Variants in DHX57 observed in about 807,000 individuals in gnomAD.
The protein encoded by DHX57 is putative ATP-dependent RNA helicase DHX57.
A neutral mutation model predicts 156.2 loss-of-function variants in DHX57; 105 were observed. The observed-to-expected ratio is 0.67, with a 90% CI of 0.57 to 0.79. DHX57 has a LOEUF of 0.79. DHX57 is among the 30% of genes least tolerant of loss of function. The pLI is 0.00. For synonymous variants in DHX57, 704 were observed against 595.6 expected (o/e 1.18, Z -2.65); for missense variants, 1,847 against 1,661.9 (o/e 1.11, Z -1.94).
intron 22 of DHX57, 161 bp from the exon 23 acceptor site, chr2:38,803,076 C>T: frequency 1.5e-6 from 1 of 653,510 alleles, no homozygotes; most frequent in Non-Finnish European, 2.6e-6. Context: ...TAACTATTGA[C>T]TTGCCATCTC....
chr2:38,861,934 TAC>T (rs1673247291), intron 4 of DHX57, 97 bp from the exon 5 acceptor site: 2 of 1,336,426 alleles, frequency 1.5e-6, no homozygotes, highest in East Asian at 4.8e-5. Flanking sequence ...AAGTTATGAC[TAC>T]ACATAGGCAG....
In DHX57 at chr2:38,868,292, G is replaced by A. The variant is rs146248368; in HGVS notation, c.114C>T (p.Gly38=). The A allele has an allele frequency of 7.1e-5, 89 of 1,250,310 alleles. 1 individual carries two copies. Among genetic ancestry groups the A allele is most frequent in the Middle Eastern group, 6.4e-4 (3 of 4,658 alleles). The allele number at this position is 1,250,310 out of a possible 1,614,324, so 77.5% of individuals were successfully genotyped here. ...SHASKSHGSG[G]GGGGGGGGGG... Reference sequence around the variant, plus strand: ...CTCCACCACCACCACCACCGCCACCGCCACCACTCCCATGAGATTTACTGG... The same window carrying A: ...CTCCACCACCACCACCACCGCCACCACCACCACTCCCATGAGATTTACTGG... Residue 38 remains glycine, a synonymous_variant, in exon 2 of 24, where the codon GGC becomes GGT. Transcript: ENST00000457308.
intron 5 of DHX57, among the ~76,000 whole-genome samples, chr2:38,860,758 A>T (rs1673150273): frequency 2.6e-5 from 4 of 152,226 alleles, no homozygotes. Flanking sequence ...ATATAGTTAA[A>T]CATACGTCAC....
At chr2:38,844,278 T>A (rs1028233303) in intron 11 of DHX57, among the ~76,000 whole-genome samples, 3 of 152,214 alleles carry the variant, frequency 2.0e-5, no homozygotes, top group African/African-American at 7.2e-5. Context: ...CACACTATAC[T>A]GTAAGACAGA....
rs138288600 is a variant in DHX57, at chr2:38,802,771, C to G, written c.3961G>C (p.Glu1321Gln). ...GQVNVQLQRG[E>Q]FVVSLDDGWI... is the part of the protein sequence containing the mutation. ...CCATCATCCAGGGAGACAACGAACT[C>G]TCCTCTTTGAAGCTGCACATTCACT... Residue 1321 changes from glutamate (E) to glutamine (Q), a missense_variant, in exon 23 of 24, where the codon GAG becomes CAG. Transcript: ENST00000457308. 1.4e-5 allele frequency: 23 copies of G among 1,614,100 alleles called. No individual in the cohort carries two copies. The South Asian group carries it at 1.4e-4, about 10-fold the overall frequency.
At chr2:38,820,198 T>C (rs1670739895) in intron 17 of DHX57, among the ~76,000 whole-genome samples, 1 of 152,214 alleles carries the variant, frequency 6.6e-6, no homozygotes, top group Admixed American at 6.5e-5. Flanking sequence ...GTAAAATTCC[T>C]TCCTTTTTAG....
At chr2:38,818,292 C>A (rs559214062) in intron 19 of DHX57, among the ~76,000 whole-genome samples, 1 of 152,194 alleles carries the variant, frequency 6.6e-6, no homozygotes, top group African/African-American at 2.4e-5. Context: ...TTTGGGTGGC[C>A]AAGGTGGGCG....
intron 12 of DHX57, among the ~76,000 whole-genome samples, chr2:38,839,676 G>A (rs569060074): frequency 1.6e-4 from 24 of 151,150 alleles, no homozygotes; most frequent in Admixed American, 6.6e-4. Flanking sequence ...AGCTGAGATC[G>A]CGCTACTGCA....
chr2:38,798,641 A>G (rs1669507874), intron 23 of DHX57, among the ~76,000 whole-genome samples, 199 bp from the exon 24 acceptor site: 1 of 152,218 alleles, frequency 6.6e-6, no homozygotes, highest in Non-Finnish European at 1.5e-5. Flanking sequence ...CCTCTATCAC[A>G]TCTCATCTAA....
chr2:38,834,982 G>A (rs371617184), intron 13 of DHX57, among the ~76,000 whole-genome samples: 11 of 152,292 alleles, frequency 7.2e-5, no homozygotes, highest in South Asian at 2.1e-4. Flanking sequence ...TAAAGCAAAC[G>A]GAAGGGAAGG....
chr2:38,870,378 C>T (rs1461481081), intron 1 of DHX57, among the ~76,000 whole-genome samples: 1 of 152,158 alleles, frequency 6.6e-6, no homozygotes, highest in African/African-American at 2.4e-5. Flanking sequence ...TGGCCTCCAA[C>T]TATTAGAAAA....
intron 2 of DHX57, among the ~76,000 whole-genome samples, chr2:38,867,457 T>A (rs2124945274): frequency 6.6e-6 from 1 of 152,356 alleles, no homozygotes; most frequent in Middle Eastern, 3.4e-3. Flanking sequence ...CATCTGTTAC[T>A]GGTCACCACA....
Position 38,826,549 on chromosome 2 carries a change from T to C in DHX57, c.2780A>G (p.Tyr927Cys), listed in dbSNP as rs1351130116. 7 of 1,614,004 alleles carry C rather than the reference T, an allele frequency of 4.3e-6. No homozygotes were observed. Among genetic ancestry groups the C allele is most frequent in the Non-Finnish European group, 5.9e-6 (7 of 1,180,028 alleles). Reference protein sequence around the residue: ...ETSITIDDVVYVIDSGKMKEK... With the variant: ...ETSITIDDVVCVIDSGKMKEK... ...TTTCATTTTCCCAGAATCGATAACA[T>C]AGACAACATCATCGATGGTTATGGA... Residue 927 changes from tyrosine to cysteine, a missense_variant, in exon 15 of 24, where the codon TAT (tyrosine) becomes TGT (cysteine). Physicochemically the swap from Tyr to Cys is radical, Grantham distance 194. Coordinates refer to ENST00000457308, the MANE Select transcript of DHX57 (RefSeq NM_198963.3).
chr2:38,835,259 G>C (rs1671593331), intron 13 of DHX57, among the ~76,000 whole-genome samples: 1 of 152,198 alleles, frequency 6.6e-6, no homozygotes, highest in Non-Finnish European at 1.5e-5. Flanking sequence ...GTGAGTACCA[G>C]GATTTAAGGC....
Position 38,835,195 on chromosome 2 carries a change from G to A in DHX57, c.2542+2636C>T, listed in dbSNP as rs1046323176. On this transcript the variant is annotated intron_variant, in intron 13 of 23. Coordinates refer to ENST00000457308, the MANE Select transcript of DHX57 (RefSeq NM_198963.3). ...AAGGTTCCAAATAACTGATGAAAGC[G>A]CCCTCTTCTGGAAAAAAAATGCCAC... is the stretch of plus-strand genomic sequence containing the variant. Among the ~76,000 whole-genome samples the A allele has an allele frequency of 1.4e-4, 22 of 152,056 alleles. 1 individual carries two copies. Among genetic ancestry groups the A allele is most frequent in the Admixed American group, 6.6e-5 (1 of 15,264 alleles).
chr2:38,861,580 T>A lies in DHX57; in HGVS notation c.830A>T (p.Glu277Val). The change falls in exon 5 of 24, where the codon GAA becomes GTA. Residue 277 changes from glutamate to valine, a missense_variant. Coordinates refer to ENST00000457308, the MANE Select transcript of DHX57 (RefSeq NM_198963.3). ...IQNRVWTIGL[E>V]LEYLTSRFRK... is the part of the protein sequence containing the mutation. The stretch of plus-strand genomic sequence containing the variant: ...GAATCTACTTGTCAGATACTCCAGT[T>A]CTAACCCAATGGTCCAGACTCTGTT... 6.2e-7 allele frequency: 1 copy of A among 1,614,216 alleles called. No homozygotes were observed. The highest frequency in any genetic ancestry group is 1.7e-5 in the Admixed American group (1 of 60,026).
At chr2:38,870,043 G>T (rs886470200) in intron 1 of DHX57, among the ~76,000 whole-genome samples, 2 of 152,054 alleles carry the variant, frequency 1.3e-5, no homozygotes, top group Non-Finnish European at 2.9e-5. Context: ...GGGAATTCTG[G>T]AGTTGAAAAG....
Position 38,854,114 on chromosome 2 carries a change from G to C in DHX57, c.1970C>G (p.Thr657Arg), listed in dbSNP as rs934206326. The C allele has an allele frequency of 1.2e-6, 2 of 1,613,972 alleles. No individual in the cohort carries two copies. Among genetic ancestry groups the C allele is most frequent in the South Asian group, 1.1e-5 (1 of 91,060 alleles). Residue 657 changes from threonine (T) to arginine (R), a missense_variant, in exon 9 of 24, where the codon ACA becomes AGA. Physicochemically the swap from Thr to Arg is moderately conservative, Grantham distance 71. Coordinates refer to ENST00000457308, the MANE Select transcript of DHX57 (RefSeq NM_198963.3). ...GATATGGGAAACTCCTTGTAGAGCTGTATCTCCTTCTAGCCTTCTCAGCAG... is the reference window on the plus strand; with the variant it reads ...GATATGGGAAACTCCTTGTAGAGCTCTATCTCCTTCTAGCCTTCTCAGCAG... Reference protein sequence around the residue: ...GVLLRRLEGDTALQGVSHIIV... With the variant: ...GVLLRRLEGDRALQGVSHIIV...
chr2:38,847,806 G>A lies in DHX57; in HGVS notation c.2164+463C>T, dbSNP rs555185325. On this transcript the variant is annotated intron_variant, in intron 10 of 23. Transcript: ENST00000457308. ...AAATTAAAATCTCCCAGCAATGGCC[G>A]GGTGCAGTGGCTCACACCTGTAATC... Among the ~76,000 whole-genome samples, 10 of 152,140 alleles carry A rather than the reference G, an allele frequency of 6.6e-5. No homozygotes were observed. The South Asian group carries it at 1.2e-3, about 19-fold the overall frequency.
Sources: allele counts gnomAD v4.1 joint callset (sites outside exome capture counted in the v4.1 genomes callset), GRCh38; gene constraint gnomAD v4.1.1; transcripts MANE v1.5; gene names NCBI Gene and HGNC (gene_info 2026-07-23, HGNC 2026-07-21).